Variants in CYRIB observed in about 807,000 individuals in gnomAD.
The protein encoded by CYRIB is CYFIP-related Rac1 interactor B.
CYRIB carries 8 observed loss-of-function variants against 44.2 expected under a neutral mutation model. The observed-to-expected ratio is 0.18, with a 90% CI of 0.11 to 0.33. The LOEUF is 0.33. Ranked by LOEUF, CYRIB falls within the 10% of genes least tolerant of loss-of-function variation. The probability of loss-of-function intolerance (pLI) is 1.00; values close to 1 mark genes in which losing one functional copy is unlikely to be tolerated. For synonymous variants in CYRIB, 131 were observed against 127.2 expected, an observed-to-expected ratio of 1.03 and a Z score of -0.20; for missense variants, 185 against 382.8, an observed-to-expected ratio of 0.48 and a Z score of 4.31.
At chr8:129,873,753 A>T (rs2058180248) in intron 3 of CYRIB, among the ~76,000 whole-genome samples, 1 of 152,084 alleles carries the variant, frequency 6.6e-6, no homozygotes. Flanking sequence ...AAACATTATC[A>T]AGTAGACTTA....
At chr8:129,929,015 C>T (rs1474434884) in intron 1 of CYRIB, among the ~76,000 whole-genome samples, 1 of 152,082 alleles carries the variant, frequency 6.6e-6, no homozygotes, top group Admixed American at 6.5e-5. Flanking sequence ...TTATAACAGC[C>T]AAAAACTGTG....
chr8:129,977,633 G>A (rs1049266497), intron 1 of CYRIB, among the ~76,000 whole-genome samples: 4 of 151,354 alleles, frequency 2.6e-5, no homozygotes, highest in Admixed American at 6.6e-5. Flanking sequence ...CCAGGTTCAC[G>A]CCATTCTCCT....
intron 1 of CYRIB, among the ~76,000 whole-genome samples, chr8:129,924,157 G>A (rs1341436892): frequency 6.7e-6 from 1 of 149,026 alleles, no homozygotes; most frequent in African/African-American, 2.5e-5. Context: ...CATGTCTGCT[G>A]TCCCAGCTAC....
At chr8:129,891,719 G>A (rs960636829) in intron 2 of CYRIB, among the ~76,000 whole-genome samples, 5 of 152,276 alleles carry the variant, frequency 3.3e-5, no homozygotes, top group African/African-American at 7.2e-5. Context: ...CATAAAATGC[G>A]TGCCTTTATA....
chr8:129,845,369 T>G (rs527944504), intron 11 of CYRIB, among the ~76,000 whole-genome samples: 1 of 152,268 alleles, frequency 6.6e-6, no homozygotes, highest in South Asian at 2.1e-4. Context: ...CAGGGAGTAT[T>G]CAGAAAGAAA....
intron 2 of CYRIB, among the ~76,000 whole-genome samples, chr8:129,963,147 A>G (rs1210909358): frequency 1.3e-5 from 2 of 152,178 alleles, no homozygotes; most frequent in Non-Finnish European, 2.9e-5. Context: ...ACCATTTTGG[A>G]CCACAATCCA....
intron 1 of CYRIB, among the ~76,000 whole-genome samples, chr8:129,909,032 TCCC>T (rs1257979546): frequency 1.3e-5 from 2 of 151,972 alleles, no homozygotes; most frequent in Non-Finnish European, 1.5e-5. Context: ...CCTAAAGCAA[TCCC>T]CCCATCTCAG....
chr8:129,919,340 G>A (rs1487275806), intron 1 of CYRIB, among the ~76,000 whole-genome samples: 1 of 152,144 alleles, frequency 6.6e-6, no homozygotes, highest in Non-Finnish European at 1.5e-5. Context: ...TTGTCACATA[G>A]TGTTAAAAAC....
At chr8:129,906,959 G>A (rs2075727837) in intron 1 of CYRIB, among the ~76,000 whole-genome samples, 1 of 152,210 alleles carries the variant, frequency 6.6e-6, no homozygotes, top group Non-Finnish European at 1.5e-5. Context: ...GACAGGTGCT[G>A]GAGAGGATGT....
chr8:129,918,566 G>T (rs1293816796), intron 1 of CYRIB, among the ~76,000 whole-genome samples: 1 of 152,214 alleles, frequency 6.6e-6, no homozygotes, highest in Non-Finnish European at 1.5e-5. Flanking sequence ...AGGACAGTGT[G>T]AGATAAAGGT....
At chr8:129,949,693 A>T (rs2094400020) in intron 2 of CYRIB, among the ~76,000 whole-genome samples, 3 of 151,574 alleles carry the variant, frequency 2.0e-5, no homozygotes, top group Non-Finnish European at 4.4e-5. Context: ...CACATAGAGA[A>T]ACCCTGTCTC....
intron 2 of CYRIB, among the ~76,000 whole-genome samples, chr8:129,889,907 G>A (rs1225065806): frequency 6.6e-6 from 1 of 151,680 alleles, no homozygotes; most frequent in Non-Finnish European, 1.5e-5. Context: ...CTGAGTAGCT[G>A]AGACTACAGG....
chr8:129,947,568 C>A (rs1046469411), intron 2 of CYRIB, among the ~76,000 whole-genome samples: 2 of 152,032 alleles, frequency 1.3e-5, no homozygotes, highest in African/African-American at 4.8e-5. Context: ...AAAGGGAGGA[C>A]CCGAGCAGTA....
At chr8:129,924,920 G>A (rs548782897) in intron 1 of CYRIB, among the ~76,000 whole-genome samples, 4 of 152,360 alleles carry the variant, frequency 2.6e-5, no homozygotes, top group Admixed American at 6.5e-5. Context: ...CGAGGCTGCA[G>A]TGACTGAAAG....
chr8:129,913,515 C>A (rs1367018325), intron 1 of CYRIB, among the ~76,000 whole-genome samples: 1 of 152,158 alleles, frequency 6.6e-6, no homozygotes, highest in Non-Finnish European at 1.5e-5. Context: ...ATTTTCCAGC[C>A]ACTATGATCC....
intron 1 of CYRIB, among the ~76,000 whole-genome samples, chr8:129,994,274 G>C (rs1274613848): frequency 1.3e-5 from 2 of 152,022 alleles, no homozygotes; most frequent in African/African-American, 4.8e-5. Context: ...GAAGCTGGGG[G>C]GGGTGGCATG....
intron 7 of CYRIB, 145 bp from the exon 10 acceptor site, chr8:129,852,423 A>G: frequency 2.4e-6 from 1 of 413,246 alleles, no homozygotes; most frequent in Non-Finnish European, 4.2e-6. Flanking sequence ...TTTTTAAAAA[A>G]AAGTTATTTT....
upstream of CYRIB, among the ~76,000 whole-genome samples, chr8:129,943,050 T>C (rs1034220961): frequency 2.6e-5 from 4 of 152,102 alleles, no homozygotes; most frequent in Admixed American, 2.0e-4. Flanking sequence ...ACTCAATCAT[T>C]GATTCACTCA....
intron 2 of CYRIB, among the ~76,000 whole-genome samples, chr8:129,952,105 G>A (rs2094534419): frequency 6.6e-6 from 1 of 152,260 alleles, no homozygotes; most frequent in African/African-American, 2.4e-5. Context: ...AAGTGCAATG[G>A]TGCAATCTCG....
Sources: gnomAD v4.1 joint callset for allele counts (sites outside exome capture counted in the v4.1 genomes callset) on GRCh38, gnomAD v4.1.1 for gene constraint, MANE v1.5 for transcripts, NCBI Gene and HGNC (gene_info 2026-07-23, HGNC 2026-07-21) for gene names.